PTPRD: variants seen among roughly 807,000 people sequenced by gnomAD.
PTPRD encodes receptor-type tyrosine-protein phosphatase delta.
PTPRD carries 34 observed loss-of-function variants against 214.5 expected under a neutral mutation model. The ratio of observed to expected loss-of-function variants is 0.16; its 90% CI spans 0.12 to 0.21. The LOEUF is 0.21. Ranked by LOEUF, PTPRD falls within the 10% of genes least tolerant of loss-of-function variation. The pLI, the probability that PTPRD is intolerant of heterozygous loss-of-function variation, is 1.00. For missense variants in PTPRD, 2,545 were observed against 2,398.7 expected, an observed-to-expected ratio of 1.06 and a Z score of -1.27; for synonymous variants, 1,128 against 845.7, an observed-to-expected ratio of 1.33 and a Z score of -5.79.
rs1166836620 is a variant in PTPRD, at chr9:8,341,094, A to G, written c.5122T>C (p.Tyr1708His). 1.2e-6 allele frequency: 2 copies of G among 1,608,756 alleles called. No homozygotes were observed. Among genetic ancestry groups the G allele is most frequent in the Admixed American group, 3.4e-5 (2 of 59,342 alleles). ...DYINASFIDG[Y>H]RQQKAYIATQ... ...CAGGGGAGCAAAAGTAGATACCTGT[A>G]TCCATCAATAAAACTGGCATTGATG... Residue 1708 changes from tyrosine to histidine, a missense_variant, in exon 41 of 46, where the codon TAC (tyrosine) becomes CAC (histidine). Transcript: ENST00000381196.
intron 8 of PTPRD, among the ~76,000 whole-genome samples, chr9:9,543,460 T>C (rs1342636774): frequency 6.6e-6 from 1 of 151,686 alleles, no homozygotes; most frequent in African/African-American, 2.4e-5. Flanking sequence ...TCACTTAATA[T>C]AATTGTTTTT....
chr9:8,615,049 C>G (rs926129740), intron 14 of PTPRD, among the ~76,000 whole-genome samples: 1 of 152,106 alleles, frequency 6.6e-6, no homozygotes, highest in Admixed American at 6.6e-5. Flanking sequence ...TTAGCTGTCT[C>G]TTTCACTGCC....
intron 22 of PTPRD, among the ~76,000 whole-genome samples, chr9:8,505,544 C>G (rs1472378428): frequency 6.7e-6 from 1 of 149,636 alleles, no homozygotes; most frequent in Non-Finnish European, 1.5e-5. Flanking sequence ...ATGGCGTGAA[C>G]CCAGGAGGCA....
intron 11 of PTPRD, among the ~76,000 whole-genome samples, chr9:8,736,439 A>G (rs781402449): frequency 3.9e-5 from 6 of 152,180 alleles, no homozygotes; most frequent in Non-Finnish European, 7.3e-5. Context: ...TAAAACTGAA[A>G]TATTTGAAAC....
intron 2 of PTPRD, among the ~76,000 whole-genome samples, chr9:10,599,404 T>C (rs911560166): frequency 5.9e-5 from 9 of 151,814 alleles, no homozygotes; most frequent in African/African-American, 2.2e-4. Flanking sequence ...CAACAATGAA[T>C]GCTGAATATT....
intron 3 of PTPRD, among the ~76,000 whole-genome samples, chr9:10,181,513 T>C (rs931233976): frequency 1.3e-5 from 2 of 152,096 alleles, no homozygotes; most frequent in African/African-American, 4.8e-5. Context: ...ACTTTTTTTT[T>C]AAGAGACTTC....
At chr9:9,013,869 G>T (rs1463035074) in intron 11 of PTPRD, among the ~76,000 whole-genome samples, 1 of 152,102 alleles carries the variant, frequency 6.6e-6, no homozygotes, top group Non-Finnish European at 1.5e-5. Context: ...GCCTCTACTG[G>T]CCTGAAAGTA....
At chr9:8,777,555 T>C (rs2095533778) in intron 11 of PTPRD, among the ~76,000 whole-genome samples, 1 of 152,220 alleles carries the variant, frequency 6.6e-6, no homozygotes, top group African/African-American at 2.4e-5. Context: ...TGCATTTGTT[T>C]TTTAAGATAC....
chr9:10,348,293 G>C (rs2097124630), intron 2 of PTPRD, among the ~76,000 whole-genome samples: 1 of 152,100 alleles, frequency 6.6e-6, no homozygotes. Context: ...CTATGCCAAT[G>C]ATCTACTTTC....
At chr9:9,564,075 A>G (rs897084441) in intron 8 of PTPRD, among the ~76,000 whole-genome samples, 2 of 152,106 alleles carry the variant, frequency 1.3e-5, no homozygotes, top group Non-Finnish European at 2.9e-5. Flanking sequence ...GTGCTTGTGG[A>G]TCATTAGAAT....
chr9:9,489,647 T>C (rs2095815883), intron 8 of PTPRD, among the ~76,000 whole-genome samples: 1 of 152,036 alleles, frequency 6.6e-6, no homozygotes. Flanking sequence ...ATAGAGGGCT[T>C]CAAGGGAAGA....
At chr9:8,718,854 G>A (rs1446885770) in intron 12 of PTPRD, among the ~76,000 whole-genome samples, 1 of 152,160 alleles carries the variant, frequency 6.6e-6, no homozygotes, top group Non-Finnish European at 1.5e-5. Flanking sequence ...CTGGCACGAT[G>A]GAGCGTAGTG....
At chr9:9,661,800 G>C (rs1481446219) in intron 7 of PTPRD, among the ~76,000 whole-genome samples, 1 of 151,662 alleles carries the variant, frequency 6.6e-6, no homozygotes, top group Non-Finnish European at 1.5e-5. Context: ...ATAACTTGAA[G>C]AGGAGGAGGG....
At chr9:8,497,637 T>C (rs534053307) in intron 25 of PTPRD, among the ~76,000 whole-genome samples, 57 of 152,346 alleles carry the variant, frequency 3.7e-4, no homozygotes, top group African/African-American at 1.3e-3. Context: ...TCTTTCATTA[T>C]ATTTGACACT....
At chr9:10,205,191 T>C (rs1437770001) in intron 3 of PTPRD, among the ~76,000 whole-genome samples, 1 of 152,060 alleles carries the variant, frequency 6.6e-6, no homozygotes. Context: ...TTTTCTCATC[T>C]TTCTTGTAGG....
At chr9:9,239,902 C>G (rs2099969502) in intron 9 of PTPRD, among the ~76,000 whole-genome samples, 3 of 152,164 alleles carry the variant, frequency 2.0e-5, no homozygotes, top group South Asian at 2.1e-4. Flanking sequence ...TGGGCACCAT[C>G]TGATTGCTCA....
At chr9:10,105,710 G>C (rs1201046259) in intron 3 of PTPRD, among the ~76,000 whole-genome samples, 2 of 151,720 alleles carry the variant, frequency 1.3e-5, no homozygotes, top group African/African-American at 4.8e-5. Flanking sequence ...CATGCTACTT[G>C]TGTTCATATT....
intron 5 of PTPRD, among the ~76,000 whole-genome samples, chr9:9,767,388 T>C (rs149201845): frequency 1.3e-5 from 2 of 152,182 alleles, no homozygotes; most frequent in African/African-American, 4.8e-5. Flanking sequence ...AAGGCACAGA[T>C]AATAGATTTA....
At chr9:10,553,764 T>C (rs928884545) in intron 2 of PTPRD, among the ~76,000 whole-genome samples, 6 of 152,036 alleles carry the variant, frequency 3.9e-5, no homozygotes, top group African/African-American at 1.4e-4. Context: ...GCTAGTTTTC[T>C]TATTAATAAT....
Sources: gnomAD v4.1 joint callset for allele counts (sites outside exome capture counted in the v4.1 genomes callset) on GRCh38, gnomAD v4.1.1 for gene constraint, MANE v1.5 for transcripts, NCBI Gene and HGNC (gene_info 2026-07-23, HGNC 2026-07-21) for gene names.